SRGAP3: variants seen among roughly 807,000 people sequenced by gnomAD.
The protein encoded by SRGAP3 is SLIT-ROBO Rho GTPase activating protein 3.
A neutral mutation model predicts 121.1 loss-of-function variants in SRGAP3; 39 were observed. The observed-to-expected ratio is 0.32, with a 90% CI of 0.25 to 0.42. The LOEUF is 0.42. SRGAP3 is among the 10% of genes least tolerant of loss of function. The pLI is 1.00. For synonymous variants in SRGAP3, 601 were observed against 570.0 expected (o/e 1.05, Z -0.77); for missense variants, 1,213 against 1,470.6 (o/e 0.82, Z 2.86).
chr3:9,304,212 A>G (rs1432861950), intron 3 of SRGAP3, among the ~76,000 whole-genome samples: 1 of 152,138 alleles, frequency 6.6e-6, no homozygotes. Flanking sequence ...GCATAACCCA[A>G]CACCCAGCAG....
At chr3:9,116,727 C>G (rs934813542) in intron 2 of SRGAP3, among the ~76,000 whole-genome samples, 1 of 152,158 alleles carries the variant, frequency 6.6e-6, no homozygotes, top group Non-Finnish European at 1.5e-5. Context: ...GATGAGGGAA[C>G]AAAGTCAGCA....
chr3:9,049,408 C>T (rs773435360), intron 9 of SRGAP3: 144 of 456,066 alleles, frequency 3.2e-4, no homozygotes, highest in Non-Finnish European at 5.0e-4. Flanking sequence ...TTTTCACACA[C>T]GTACGTTTAA....
intron 3 of SRGAP3, among the ~76,000 whole-genome samples, chr3:9,318,665 G>A (rs1371544038): frequency 1.3e-5 from 2 of 151,110 alleles, no homozygotes; most frequent in Non-Finnish European, 2.9e-5. Context: ...CTTGAGCCCA[G>A]GAGTTTAAGA....
intron 3 of SRGAP3, among the ~76,000 whole-genome samples, chr3:9,284,070 G>A (rs1954725910): frequency 6.6e-6 from 1 of 151,862 alleles, no homozygotes; most frequent in Non-Finnish European, 1.5e-5. Flanking sequence ...TTCCTTCGAA[G>A]CACAAATCTT....
At chr3:9,338,990 T>C (rs1205904162) in intron 1 of SRGAP3, among the ~76,000 whole-genome samples, 5 of 152,200 alleles carry the variant, frequency 3.3e-5, no homozygotes. Flanking sequence ...TACGAAAATA[T>C]GTTTGTGCAC....
At chr3:9,228,228 T>C (rs1423908452) in intron 1 of SRGAP3, among the ~76,000 whole-genome samples, 1 of 151,960 alleles carries the variant, frequency 6.6e-6, no homozygotes, top group East Asian at 1.9e-4. Flanking sequence ...GCACATACCT[T>C]GTCTAAAAAA....
chr3:9,113,084 G>A (rs990035278), intron 2 of SRGAP3, among the ~76,000 whole-genome samples: 1 of 152,210 alleles, frequency 6.6e-6, no homozygotes, highest in African/African-American at 2.4e-5. Context: ...GACTGGATGA[G>A]GGTCAGACAA....
At position 8,985,247 on chromosome 3, in the gene SRGAP3, T is replaced by C. The variant is rs1941614043; in HGVS notation, c.*272A>G. 2 of 570,626 alleles carry C rather than the reference T, an allele frequency of 3.5e-6. No homozygotes were observed. The highest frequency in any genetic ancestry group is 6.5e-5 in the East Asian group (2 of 30,596). 35.3% of individuals were successfully genotyped at this position (570,626 alleles called of 1,614,324 possible). ...TATGCGGGAGAAGCCATGTGGTATT[T>C]TGCCTCCATGTTAGGGAATGCTGTG... On this transcript the variant is annotated 3_prime_UTR_variant, in exon 22 of 22. Transcript: ENST00000383836. This position sits in a 1 kb window ranked among gnomAD's most constrained non-coding sequence, Gnocchi z 5.1.
chr3:9,301,654 T>C (rs1046803479), intron 3 of SRGAP3, among the ~76,000 whole-genome samples: 1 of 152,204 alleles, frequency 6.6e-6, no homozygotes, highest in Non-Finnish European at 1.5e-5. Context: ...GTGTTTGTTG[T>C]TTTTAACTGG....
chr3:9,098,545 G>A (rs1948080861), intron 3 of SRGAP3, among the ~76,000 whole-genome samples: 1 of 152,186 alleles, frequency 6.6e-6, no homozygotes, highest in African/African-American at 2.4e-5. Flanking sequence ...GATCACAGGT[G>A]TGAGCCACTG....
chr3:9,255,070 G>A (rs768229215), intron 3 of SRGAP3, among the ~76,000 whole-genome samples: 1 of 152,150 alleles, frequency 6.6e-6, no homozygotes, highest in Admixed American at 6.5e-5. Flanking sequence ...AGACAGAGGT[G>A]ACAGTTGTAC....
chr3:9,088,214 G>C (rs1575055798), intron 3 of SRGAP3, among the ~76,000 whole-genome samples: 1 of 152,136 alleles, frequency 6.6e-6, no homozygotes, highest in Admixed American at 6.5e-5. Flanking sequence ...TGCCTGCAGG[G>C]GTCAGGGTGG....
At chr3:9,159,432 T>C (rs765430518) in intron 1 of SRGAP3, among the ~76,000 whole-genome samples, 2 of 152,170 alleles carry the variant, frequency 1.3e-5, no homozygotes, top group African/African-American at 2.4e-5. Flanking sequence ...TAGGACACCA[T>C]CATTGGATCT....
intron 1 of SRGAP3, among the ~76,000 whole-genome samples, chr3:9,178,246 T>TAACG (rs1461668380): frequency 1.3e-5 from 2 of 151,774 alleles, no homozygotes; most frequent in Non-Finnish European, 2.9e-5. Flanking sequence ...CCAGCCTGGG[T>TAACG]AACGAGCCAG....
chr3:9,100,746 C>G (rs1948186359), intron 3 of SRGAP3, among the ~76,000 whole-genome samples: 1 of 152,232 alleles, frequency 6.6e-6, no homozygotes, highest in African/African-American at 2.4e-5. Flanking sequence ...CAAACACCAT[C>G]ACGGGTCTTA....
At chr3:9,165,073 G>A (rs1394380536) in intron 1 of SRGAP3, among the ~76,000 whole-genome samples, 1 of 152,242 alleles carries the variant, frequency 6.6e-6, no homozygotes, top group African/African-American at 2.4e-5. Context: ...GCTTAGCTAG[G>A]GTCGAAGGTC....
Position 8,985,291 on chromosome 3 carries a change from C to G in SRGAP3, c.*228G>C, listed in dbSNP as rs759347546. 2 of 930,320 alleles carry G rather than the reference C, an allele frequency of 2.1e-6. No homozygotes were observed. The highest frequency in any genetic ancestry group is 2.9e-5 in the East Asian group (1 of 34,142). 57.6% of individuals were successfully genotyped at this position (930,320 alleles called of 1,614,324 possible). A position where few individuals can be genotyped will look rare whatever the true frequency, so the allele number is the denominator to read the frequency against. Reference sequence around the variant, plus strand: ...TGCTGTGGTTGGGGCTGCTGGAGCTCCAGCACTCCTCTGGTCGTCTGTTGA... The same window carrying G: ...TGCTGTGGTTGGGGCTGCTGGAGCTGCAGCACTCCTCTGGTCGTCTGTTGA... On this transcript the variant is annotated 3_prime_UTR_variant, in exon 22 of 22. Transcript: ENST00000383836. This position sits in a 1 kb window ranked among gnomAD's most constrained non-coding sequence, Gnocchi z 5.1.
At chr3:9,156,090 C>T (rs1950407731) in intron 1 of SRGAP3, among the ~76,000 whole-genome samples, 1 of 152,272 alleles carries the variant, frequency 6.6e-6, no homozygotes, top group Non-Finnish European at 1.5e-5. Flanking sequence ...GCTGGGATTA[C>T]AGGCGTGAGC....
At chr3:8,995,297 C>T (rs892403390) in intron 18 of SRGAP3, among the ~76,000 whole-genome samples, 1 of 151,968 alleles carries the variant, frequency 6.6e-6, no homozygotes, top group Middle Eastern at 3.2e-3. Context: ...TATAGTGAGA[C>T]CTCATTTCCA....
Sources: gnomAD v4.1 joint callset for allele counts (sites outside exome capture counted in the v4.1 genomes callset) on GRCh38, gnomAD v4.1.1 for gene constraint, Gnocchi (gnomAD v3.1) non-coding constraint, MANE v1.5 for transcripts, NCBI Gene and HGNC (gene_info 2026-07-23, HGNC 2026-07-21) for gene names.